CEP192: variants seen among roughly 807,000 people sequenced by gnomAD.
CEP192 encodes centrosomal protein of 192 kDa.
CEP192 carries 151 observed loss-of-function variants against 271.8 expected under a neutral mutation model. The observed-to-expected ratio is 0.56, with a 90% CI of 0.49 to 0.64. The LOEUF is 0.64. Ranked by LOEUF, CEP192 falls within the 30% of genes least tolerant of loss-of-function variation. The pLI is 0.00. For missense variants in CEP192, 2,910 were observed against 3,020.5 expected, an observed-to-expected ratio of 0.96 and a Z score of 0.86; for synonymous variants, 995 against 1,076.5, an observed-to-expected ratio of 0.92 and a Z score of 1.48.
At chr18:13,078,588 G>T (rs1326133708) in intron 30 of CEP192, among the ~76,000 whole-genome samples, 1 of 152,116 alleles carries the variant, frequency 6.6e-6, no homozygotes, top group Middle Eastern at 3.4e-3. Context: ...ATCCTCTCCA[G>T]CATCTGTTGT....
At chr18:13,123,246 G>A (rs560226820) in intron 44 of CEP192, among the ~76,000 whole-genome samples, 1 of 152,202 alleles carries the variant, frequency 6.6e-6, no homozygotes, top group East Asian at 1.9e-4. Context: ...CATGGGCCAG[G>A]TTAGATTTTT....
At chr18:13,028,236 C>T (rs1252527604) in intron 9 of CEP192, among the ~76,000 whole-genome samples, 1 of 152,150 alleles carries the variant, frequency 6.6e-6, no homozygotes, top group Non-Finnish European at 1.5e-5. Flanking sequence ...AGACATTGGT[C>T]ATTGTGATTA....
chr18:13,055,673 G>C (rs2037055118), intron 18 of CEP192, 107 bp from the exon 19 acceptor site: 1 of 717,586 alleles, frequency 1.4e-6, no homozygotes, highest in Non-Finnish European at 2.2e-6. Flanking sequence ...TTTTCAAAGA[G>C]ACACCTCATG....
intron 30 of CEP192, among the ~76,000 whole-genome samples, chr18:13,074,584 A>G (rs913641901): frequency 1.3e-5 from 2 of 152,216 alleles, no homozygotes; most frequent in South Asian, 2.1e-4. Flanking sequence ...ATAATCAACC[A>G]AGCAGGGGTT....
At chr18:13,097,745 A>G (rs1445942566) in intron 36 of CEP192, among the ~76,000 whole-genome samples, 1 of 149,760 alleles carries the variant, frequency 6.7e-6, no homozygotes, top group African/African-American at 2.5e-5. Context: ...CAGCAGATAA[A>G]CAAGTGAACA....
At position 13,013,036 on chromosome 18, in the gene CEP192, A is replaced by T; in HGVS notation, c.519+11A>T. 1 of 1,365,946 alleles carries T rather than the reference A, an allele frequency of 7.3e-7. No individual in the cohort carries two copies. Among genetic ancestry groups the T allele is most frequent in the African/African-American group, 1.4e-5 (1 of 69,316 alleles). The allele number at this position is 1,365,946 out of a possible 1,614,324, so 84.6% of individuals were successfully genotyped here. ...AATAAGGAACCCAAGGTAACCTTTT[A>T]TATATTTGGTATCATTTTCTGGAGT... On this transcript the variant is annotated intron_variant, in intron 5 of 44. Coordinates refer to ENST00000506447, the MANE Select transcript of CEP192 (RefSeq NM_032142.4).
chr18:13,119,905 G>T (rs1046761855), intron 44 of CEP192, among the ~76,000 whole-genome samples: 1 of 152,060 alleles, frequency 6.6e-6, no homozygotes, highest in Non-Finnish European at 1.5e-5. Flanking sequence ...TAAAATAAAC[G>T]TGTCAAATTA....
chr18:13,092,573 C>G (rs111699522), intron 34 of CEP192, 46 bp downstream of exon 34: 3 of 1,389,656 alleles, frequency 2.2e-6, no homozygotes, highest in Non-Finnish European at 3.0e-6. Flanking sequence ...CAGGATGATT[C>G]GATTCATAGC....
chr18:13,058,279 C>G (rs987658043), intron 20 of CEP192: 2 of 152,302 alleles, frequency 1.3e-5, no homozygotes, highest in Admixed American at 1.3e-4. Context: ...TCTAAATCTT[C>G]TCTCCTGGTT....
chr18:13,101,749 C>T (rs956407228), intron 38 of CEP192, among the ~76,000 whole-genome samples: 1 of 152,126 alleles, frequency 6.6e-6, no homozygotes, highest in Non-Finnish European at 1.5e-5. Context: ...TGCTGACTGT[C>T]GCCCATCTCT....
intron 30 of CEP192, among the ~76,000 whole-genome samples, chr18:13,079,454 C>T (rs1001454448): frequency 7.2e-5 from 11 of 152,318 alleles, no homozygotes; most frequent in African/African-American, 2.6e-4. Context: ...AGTGTCTGTT[C>T]ATATCCTTTG....
chr18:13,057,043 T>C (rs559207688), intron 19 of CEP192, among the ~76,000 whole-genome samples: 2 of 152,286 alleles, frequency 1.3e-5, no homozygotes, highest in East Asian at 1.9e-4. Flanking sequence ...GGGTGGCTGC[T>C]GTGGTGGAGA....
intron 1 of CEP192, among the ~76,000 whole-genome samples, chr18:12,993,305 C>T (rs1364517064): frequency 2.6e-5 from 4 of 152,008 alleles, no homozygotes; most frequent in East Asian, 1.9e-4. Context: ...GTATTGCATT[C>T]GGGGGTAAGG....
chr18:13,044,125 T>A (rs988488781), intron 15 of CEP192, among the ~76,000 whole-genome samples: 2 of 152,176 alleles, frequency 1.3e-5, no homozygotes, highest in African/African-American at 4.8e-5. Context: ...TTGTTTTGGC[T>A]AAACAAATAC....
intron 33 of CEP192, among the ~76,000 whole-genome samples, chr18:13,090,415 A>G (rs991528737): frequency 6.6e-6 from 1 of 152,258 alleles, no homozygotes; most frequent in Non-Finnish European, 1.5e-5. Context: ...AATTACAGGC[A>G]TATACACACC....
At chr18:13,029,624 C>A (rs559815222) in intron 9 of CEP192, 39 bp from the exon 10 acceptor site, 2 of 1,227,656 alleles carry the variant, frequency 1.6e-6, no homozygotes, top group South Asian at 1.7e-5. Flanking sequence ...ACAAGACTTA[C>A]TGTTGCTCTG....
intron 31 of CEP192, 60 bp from the exon 32 acceptor site, chr18:13,087,471 A>T (rs910359969): frequency 9.9e-7 from 1 of 1,013,036 alleles, no homozygotes; most frequent in Non-Finnish European, 1.4e-6. Flanking sequence ...TTGTTGAATC[A>T]GATTGAAATT....
At chr18:13,044,856 A>C (rs111847039) in intron 15 of CEP192, among the ~76,000 whole-genome samples, 8 of 152,188 alleles carry the variant, frequency 5.3e-5, no homozygotes, top group African/African-American at 1.9e-4. Context: ...TTTTTTAAAG[A>C]TTTTGGTAGA....
chr18:13,052,894 G>C lies in CEP192; in HGVS notation c.3018-25G>C, dbSNP rs777024063. The C allele has an allele frequency of 3.4e-6, 4 of 1,161,152 alleles. No individual in the cohort carries two copies. The African/African-American group carries it at 5.2e-5, about 15-fold the overall frequency. 71.9% of individuals were successfully genotyped at this position (1,161,152 alleles called of 1,614,324 possible). ...ATAGTTGAAGGACTGGAGAACTCCA[G>C]GTGTGAGCTACTCTTCTCTTTCAGG... On this transcript the variant is annotated intron_variant, in intron 17 of 44. Transcript: ENST00000506447.
Sources: gnomAD v4.1 joint callset for allele counts (sites outside exome capture counted in the v4.1 genomes callset) on GRCh38, gnomAD v4.1.1 for gene constraint, MANE v1.5 for transcripts, NCBI Gene and HGNC (gene_info 2026-07-23, HGNC 2026-07-21) for gene names.